SYTL5: variants seen among roughly 807,000 people sequenced by gnomAD.
SYTL5 encodes the protein synaptotagmin like 5.
A neutral mutation model predicts 55.9 loss-of-function variants in SYTL5; 34 were observed. The observed-to-expected ratio is 0.61, with a 90% confidence interval of 0.46 to 0.81. The LOEUF (loss-of-function observed/expected upper bound fraction) is 0.81, where lower values mean the gene tolerates loss of function less well. Ranked by LOEUF, SYTL5 falls within the 30% of genes least tolerant of loss-of-function variation. The pLI is 0.00. For synonymous variants in SYTL5, 221 were observed against 188.7 expected, an observed-to-expected ratio of 1.17 and a Z score of -1.40; for missense variants, 637 against 546.7, an observed-to-expected ratio of 1.17 and a Z score of -1.65.
the SYTL5 span, chrX:37,939,606 T>C: frequency 1.8e-5 from 2 of 112,619 alleles, no homozygotes; most frequent in Admixed American, 1.9e-4. Flanking sequence ...CGCCATCAAT[T>C]ATACACATTA....
At position 38,027,443 on chromosome X, in the gene SYTL5, G is replaced by A. The variant is rs753573223; in HGVS notation, c.-356-6091G>A. On this transcript the variant is annotated intron_variant, in intron 1 of 16. Transcript: ENST00000297875. ...CTTTTGAGATGCAGTCAGACATCAC[G>A]AATTGGTTAACAGGAATAAGCAGGG... 2.7e-5 allele frequency among the ~76,000 whole-genome samples: 3 copies of A among 109,943 alleles called. No individual in the cohort carries two copies. The East Asian group carries it at 9.0e-4, about 33-fold the overall frequency.
upstream of SYTL5, among the ~76,000 whole-genome samples, chrX:38,005,419 A>C (rs1012093936): frequency 8.9e-6 from 1 of 111,975 alleles, no homozygotes; most frequent in African/African-American, 3.2e-5. Flanking sequence ...AAAAAGACTA[A>C]ATCAATTATT....
upstream of SYTL5, among the ~76,000 whole-genome samples, chrX:38,004,615 G>A (rs191382497): frequency 1.5e-3 from 164 of 111,541 alleles, no homozygotes; most frequent in African/African-American, 5.2e-3. Flanking sequence ...AGATTCTGTC[G>A]TTTGCAACAA....
intron 16 of SYTL5, 32 bp downstream of exon 16, chrX:38,125,538 T>A (rs1937625789): frequency 1.8e-6 from 2 of 1,130,087 alleles, no homozygotes; most frequent in South Asian, 1.8e-5. Context: ...AGGGATGGTC[T>A]GTGACTAGGC....
intron 1 of SYTL5, among the ~76,000 whole-genome samples, chrX:38,007,349 A>T (rs940928866): frequency 9.0e-5 from 10 of 111,505 alleles, no homozygotes; most frequent in Non-Finnish European, 1.9e-4. Flanking sequence ...ATCAGGGTTT[A>T]AAAAATTTCT....
intron 13 of SYTL5, among the ~76,000 whole-genome samples, chrX:38,117,008 A>G (rs973108341): frequency 8.9e-6 from 1 of 112,362 alleles, no homozygotes; most frequent in Non-Finnish European, 1.9e-5. Context: ...TTGTGTCCCC[A>G]CAGCACTTAG....
At chrX:37,956,490 C>T in the SYTL5 span, among the ~76,000 whole-genome samples, 3 of 112,196 alleles carry the variant, frequency 2.7e-5, no homozygotes, top group Non-Finnish European at 5.6e-5. Context: ...CTAATTTCTG[C>T]TTCTGTGATT....
chrX:38,076,432 C>T, intron 5 of SYTL5, 135 bp from the exon 6 acceptor site: 2 of 528,677 alleles, frequency 3.8e-6, no homozygotes. Context: ...GGGAACTCTC[C>T]AGAACCTCTC....
chrX:37,927,490 G>A, the SYTL5 span, among the ~76,000 whole-genome samples: 1 of 111,069 alleles, frequency 9.0e-6, no homozygotes, highest in South Asian at 3.8e-4. Flanking sequence ...TTAAAAACTG[G>A]CAGGGCTAGG....
At chrX:37,899,373 T>C in the SYTL5 span, among the ~76,000 whole-genome samples, 1 of 111,177 alleles carries the variant, frequency 9.0e-6, no homozygotes, top group East Asian at 2.8e-4. Context: ...ATGCCCAGCC[T>C]ACATAAATCT....
chrX:38,095,890 T>C (rs898831378), intron 8 of SYTL5, among the ~76,000 whole-genome samples: 2 of 111,269 alleles, frequency 1.8e-5, no homozygotes, highest in African/African-American at 6.5e-5. Flanking sequence ...CCTCCTGTGA[T>C]AGAAGGAAAC....
At chrX:38,103,948 A>G (rs916266837) in intron 10 of SYTL5, among the ~76,000 whole-genome samples, 7 of 112,044 alleles carry the variant, frequency 6.2e-5, no homozygotes, top group Admixed American at 9.4e-5. Context: ...TGAAAGAAAA[A>G]TAGTATTTTT....
At chrX:38,012,455 G>A (rs781704197) in intron 1 of SYTL5, among the ~76,000 whole-genome samples, 1 of 111,804 alleles carries the variant, frequency 8.9e-6, no homozygotes, top group Non-Finnish European at 1.9e-5. Context: ...GGGGTGGGAC[G>A]TGGGGGTGTG....
rs761601660 is a variant in SYTL5 at position 38,126,720 on chromosome X, G to A, written c.2183G>A (p.Cys728Tyr). 51 of 1,206,826 alleles carry A rather than the reference G, an allele frequency of 4.2e-5. No homozygotes were observed. The highest frequency in any genetic ancestry group is 5.7e-5 in the Non-Finnish European group (51 of 893,975). ...VLMLRSSMGK[C>Y]RL ...ATGCTTCGTTCCAGCATGGGAAAAT[G>A]TAGGCTCTAAAGGGACCAGTTCTCC... The change falls in exon 17 of 17, where the codon TGT (cysteine) becomes TAT (tyrosine). Residue 728 changes from cysteine to tyrosine, a missense_variant. Coordinates refer to ENST00000297875, the MANE Select transcript of SYTL5 (RefSeq NM_138780.3).
chrX:37,935,610 A>G, the SYTL5 span, among the ~76,000 whole-genome samples: 4 of 112,531 alleles, frequency 3.6e-5, no homozygotes. Flanking sequence ...AAGGGTGCAT[A>G]GAATGGAGAT....
At chrX:37,974,838 A>G in the SYTL5 span, among the ~76,000 whole-genome samples, 34 of 112,323 alleles carry the variant, frequency 3.0e-4, no homozygotes, top group Non-Finnish European at 4.9e-4. Context: ...GAAGGGCAGA[A>G]GGGAAGTATG....
intron 2 of SYTL5, among the ~76,000 whole-genome samples, chrX:38,044,223 C>T (rs780145203): frequency 1.1e-4 from 12 of 111,497 alleles, no homozygotes; most frequent in Non-Finnish European, 1.9e-4. Context: ...TTTCTTGTAT[C>T]ATGTACTGAT....
the SYTL5 span, among the ~76,000 whole-genome samples, chrX:37,958,934 G>A: frequency 1.8e-5 from 2 of 112,308 alleles, no homozygotes; most frequent in Non-Finnish European, 3.8e-5. Flanking sequence ...GCCATCTCTG[G>A]AATGTACTGG....
At chrX:37,956,978 T>C in the SYTL5 span, among the ~76,000 whole-genome samples, 2 of 111,969 alleles carry the variant, frequency 1.8e-5, no homozygotes, top group Admixed American at 1.9e-4. Context: ...ATCTTAGCCA[T>C]TCTAAGAGGT....
Sources: allele counts gnomAD v4.1 joint callset (sites outside exome capture counted in the v4.1 genomes callset), GRCh38; gene constraint gnomAD v4.1.1; transcripts MANE v1.5; gene names NCBI Gene and HGNC (gene_info 2026-07-23, HGNC 2026-07-21).